Variants in ESYT2 observed in about 807,000 individuals in gnomAD.
The protein encoded by ESYT2 is extended synaptotagmin-2.
A neutral mutation model predicts 107.2 loss-of-function variants in ESYT2; 54 were observed. That is an observed-to-expected ratio of 0.50 (90% CI 0.40 to 0.63). The LOEUF is 0.63. ESYT2 is among the 30% of genes least tolerant of loss of function. The probability of loss-of-function intolerance (pLI) is 0.00; values close to 1 mark genes in which losing one functional copy is unlikely to be tolerated. For synonymous variants in ESYT2, 491 were observed against 434.1 expected (o/e 1.13, Z -1.63); for missense variants, 1,020 against 1,094.5 (o/e 0.93, Z 0.96).
intron 4 of ESYT2, 111 bp from the exon 5 acceptor site, chr7:158,788,528 C>T: frequency 1.1e-6 from 1 of 935,248 alleles, no homozygotes; most frequent in East Asian, 2.7e-5. Context: ...GCAACCAAAT[C>T]AGATTGTAGG....
At chr7:158,819,823 G>C (rs569603443) in intron 1 of ESYT2, among the ~76,000 whole-genome samples, 2 of 152,254 alleles carry the variant, frequency 1.3e-5, no homozygotes, top group South Asian at 4.1e-4. Flanking sequence ...GGACTTCACC[G>C]TGTAACTGAA....
intron 3 of ESYT2, among the ~76,000 whole-genome samples, chr7:158,797,178 G>A (rs189797578): frequency 6.0e-4 from 92 of 152,250 alleles, no homozygotes; most frequent in Admixed American, 1.5e-3. Context: ...ATAGGGTCTC[G>A]CTCTGTCACT....
chr7:158,737,656 G>A (rs1247661636), intron 19 of ESYT2, among the ~76,000 whole-genome samples: 2 of 152,110 alleles, frequency 1.3e-5, no homozygotes, highest in Non-Finnish European at 2.9e-5. Context: ...GGATTGTTTT[G>A]CTAGACTCCT....
intron 1 of ESYT2, among the ~76,000 whole-genome samples, chr7:158,800,731 TTTC>T (rs765029126): frequency 0.094 from 13,860 of 148,084 alleles, 635 homozygotes; most frequent in African/African-American, 0.11. Flanking sequence ...TTTCTTTTCT[TTTC>T]TTTTTTTTTT....
At chr7:158,793,314 A>G (rs1477546526) in intron 4 of ESYT2, among the ~76,000 whole-genome samples, 1 of 152,302 alleles carries the variant, frequency 6.6e-6, no homozygotes, top group East Asian at 1.9e-4. Context: ...CTACTTGGTC[A>G]TGGTGTAAAA....
chr7:158,765,000 C>T (rs1018317374), intron 8 of ESYT2, 147 bp from the exon 9 acceptor site: 13 of 753,794 alleles, frequency 1.7e-5, no homozygotes, highest in African/African-American at 8.9e-5. Context: ...ATCCCAGCAG[C>T]GGGGAAATGC....
intron 1 of ESYT2, among the ~76,000 whole-genome samples, chr7:158,807,986 C>A (rs112855523): frequency 0.018 from 2,772 of 152,296 alleles, 39 homozygotes; most frequent in Non-Finnish European, 0.032. Flanking sequence ...CAGCCTCTCT[C>A]TCCAGAGAGC....
At chr7:158,788,984 C>T (rs545303410) in intron 4 of ESYT2, among the ~76,000 whole-genome samples, 3 of 152,242 alleles carry the variant, frequency 2.0e-5, no homozygotes, top group South Asian at 4.2e-4. Flanking sequence ...ATGAAACAAA[C>T]ATAATGCTAA....
At chr7:158,750,126 G>T (rs1189666213) in intron 14 of ESYT2, among the ~76,000 whole-genome samples, 1 of 152,104 alleles carries the variant, frequency 6.6e-6, no homozygotes, top group African/African-American at 2.4e-5. Context: ...ATATTTCTCT[G>T]GCGGGAATAA....
rs913226754 is a variant in ESYT2, at chr7:158,741,772, C to T, written c.1919G>A (p.Gly640Asp). The change falls in exon 18 of 23, where the codon GGC (glycine) becomes GAC (aspartate). Residue 640 changes from glycine (G) to aspartate (D), a missense_variant. Gly to Asp is a moderately conservative substitution (Grantham distance 94). Coordinates refer to ENST00000275418, the MANE Select transcript of ESYT2 (RefSeq NM_001367773.1). Reference protein sequence around the residue: ...SIKSHMSGSPGPGGSNTAPST... With the variant: ...SIKSHMSGSPDPGGSNTAPST... ...TGGAGCTGTGTTGCTGCCACCAGGGCCTGGAGACCCAGACATATGAGATTT... is the reference window on the plus strand; with the variant it reads ...TGGAGCTGTGTTGCTGCCACCAGGGTCTGGAGACCCAGACATATGAGATTT... 2.6e-5 allele frequency: 42 copies of T among 1,614,002 alleles called. No homozygotes were observed. Among genetic ancestry groups the T allele is most frequent in the Non-Finnish European group, 3.5e-5 (41 of 1,180,014 alleles).
intron 3 of ESYT2, among the ~76,000 whole-genome samples, chr7:158,797,430 C>A (rs1380426801): frequency 6.6e-6 from 1 of 151,938 alleles, no homozygotes; most frequent in Non-Finnish European, 1.5e-5. Context: ...CTGCTTCCAG[C>A]TGAAGTTGTT....
Position 158,741,863 on chromosome 7 carries a change from C to CT in ESYT2, c.1827dup (p.Asp610ArgfsTer48), listed in dbSNP as rs1490897524. 1 of 1,610,036 alleles carries CT rather than the reference C, an allele frequency of 6.2e-7. No homozygotes were observed. The highest frequency in any genetic ancestry group is 1.7e-5 in the Admixed American group (1 of 58,954). On this transcript the variant is annotated frameshift_variant, in exon 18 of 23. Transcript: ENST00000275418. ...TTGACTTGAGCTGAGTGTTGGTGGT[C>CT]TGGAGGCCTTTCTCGCTTTTCGAGA...
At chr7:158,743,288 C>T (rs977033402) in intron 17 of ESYT2, among the ~76,000 whole-genome samples, 1 of 152,156 alleles carries the variant, frequency 6.6e-6, no homozygotes, top group African/African-American at 2.4e-5. Context: ...AGCCGTGGGC[C>T]TGCTCGGGCA....
rs1347070010 is a variant in ESYT2 at position 158,741,515 on chromosome 7, T to C, written c.2168+8A>G. ...CTGGTGAGAAACAACATGGTGGCACTTAGTTACTTTTCCAGCTGCCTCAGC... is the reference window on the plus strand; with the variant it reads ...CTGGTGAGAAACAACATGGTGGCACCTAGTTACTTTTCCAGCTGCCTCAGC... On this transcript the variant is annotated splice_region_variant and intron_variant, in intron 18 of 22. Coordinates refer to ENST00000275418, the MANE Select transcript of ESYT2 (RefSeq NM_001367773.1). The C allele has an allele frequency of 7.7e-6, 12 of 1,560,284 alleles. No homozygotes were observed. Among genetic ancestry groups the C allele is most frequent in the Non-Finnish European group, 1.0e-5 (12 of 1,160,366 alleles).
intron 10 of ESYT2, 57 bp from the exon 11 acceptor site, chr7:158,761,601 C>T (rs1837966278): frequency 2.0e-6 from 3 of 1,490,530 alleles, no homozygotes; most frequent in Non-Finnish European, 1.9e-6. Flanking sequence ...CTTACTGAAA[C>T]AACTTTAAAA....
chr7:158,824,532 T>C (rs1840383363), intron 1 of ESYT2, among the ~76,000 whole-genome samples: 1 of 152,210 alleles, frequency 6.6e-6, no homozygotes, highest in Non-Finnish European at 1.5e-5. Flanking sequence ...TAAATTTTCC[T>C]GAACTTCCCA....
intron 1 of ESYT2, among the ~76,000 whole-genome samples, chr7:158,828,820 C>CG (rs1840537285): frequency 7.7e-6 from 1 of 129,818 alleles, no homozygotes; most frequent in Admixed American, 7.5e-5. Context: ...GAGTCGGGGC[C>CG]GGGGGGCGGG....
chr7:158,781,317 G>C (rs1277418960), intron 6 of ESYT2, among the ~76,000 whole-genome samples: 4 of 151,940 alleles, frequency 2.6e-5, no homozygotes, highest in Non-Finnish European at 4.4e-5. Context: ...ACAACTGTGA[G>C]AGTGAACGAG....
intron 1 of ESYT2, among the ~76,000 whole-genome samples, chr7:158,802,657 C>G (rs548155722): frequency 2.6e-5 from 4 of 152,266 alleles, no homozygotes; most frequent in African/African-American, 9.6e-5. Flanking sequence ...TTTTAAAATT[C>G]CATTAACATT....
Sources: gnomAD v4.1 joint callset for allele counts (sites outside exome capture counted in the v4.1 genomes callset) on GRCh38, gnomAD v4.1.1 for gene constraint, MANE v1.5 for transcripts, NCBI Gene and HGNC (gene_info 2026-07-23, HGNC 2026-07-21) for gene names.